CDH18: variants seen among roughly 807,000 people sequenced by gnomAD.
CDH18 encodes the protein cadherin-18.
Under a neutral mutation model 67.9 loss-of-function variants are expected in CDH18, and 31 were observed. The observed-to-expected ratio is 0.46, with a 90% CI of 0.34 to 0.62. CDH18 has a LOEUF of 0.62. Ranked by LOEUF, CDH18 falls within the 20% of genes least tolerant of loss-of-function variation. The probability of loss-of-function intolerance (pLI) is 0.01; values close to 1 mark genes in which losing one functional copy is unlikely to be tolerated. For synonymous variants in CDH18, 362 were observed against 347.2 expected, an observed-to-expected ratio of 1.04 and a Z score of -0.48; for missense variants, 890 against 975.5, an observed-to-expected ratio of 0.91 and a Z score of 1.17.
chr5:20,501,443 CATAT>C (rs1754243704), intron 1 of CDH18, among the ~76,000 whole-genome samples: 1 of 89,694 alleles, frequency 1.1e-5, no homozygotes, highest in African/African-American at 3.9e-5. Context: ...ATTTTATATA[CATAT>C]ATTTTATATA....
At chr5:20,039,319 T>G (rs1372363202) in intron 2 of CDH18, among the ~76,000 whole-genome samples, 2 of 152,172 alleles carry the variant, frequency 1.3e-5, no homozygotes, top group Non-Finnish European at 2.9e-5. Flanking sequence ...ACCATTGACT[T>G]TCTTCACAAA....
intron 2 of CDH18, among the ~76,000 whole-genome samples, chr5:19,974,660 G>A (rs1798338157): frequency 6.6e-6 from 1 of 152,100 alleles, no homozygotes; most frequent in South Asian, 2.1e-4. Context: ...CTGAGAAGGA[G>A]GTGCAGATAT....
chr5:20,337,596 C>G (rs955298147), intron 1 of CDH18, among the ~76,000 whole-genome samples: 4 of 152,218 alleles, frequency 2.6e-5, no homozygotes, highest in African/African-American at 9.6e-5. Context: ...GAGACCACCT[C>G]AGACTGGACC....
intron 1 of CDH18, among the ~76,000 whole-genome samples, chr5:20,364,189 T>C (rs1742324140): frequency 2.0e-5 from 3 of 152,184 alleles, no homozygotes; most frequent in African/African-American, 4.8e-5. Context: ...ATTCTAATCA[T>C]TTAAGTAAAA....
At chr5:20,514,310 G>A (rs1000210306) in intron 1 of CDH18, among the ~76,000 whole-genome samples, 5 of 152,056 alleles carry the variant, frequency 3.3e-5, no homozygotes, top group Non-Finnish European at 7.4e-5. Context: ...TAAGCGGTGT[G>A]TACAGATTAC....
intron 2 of CDH18, among the ~76,000 whole-genome samples, chr5:20,008,791 A>G (rs1737151966): frequency 6.6e-6 from 1 of 152,166 alleles, no homozygotes; most frequent in African/African-American, 2.4e-5. Context: ...TAATTTTATT[A>G]TAAGTAGCCA....
rs185168071 is a variant in CDH18, at chr5:20,417,465, A to G, written c.-580+157997T>C. 7.2e-5 allele frequency among the ~76,000 whole-genome samples: 11 copies of G among 152,306 alleles called. No individual in the cohort carries two copies. In the East Asian group the frequency reaches 2.1e-3, roughly 29 times the overall value. ...ATATTTATGCTTTTAGCACAATTCTATGATTTCCAATGGTCTGTTTCCAGA... is the reference window on the plus strand; with the variant it reads ...ATATTTATGCTTTTAGCACAATTCTGTGATTTCCAATGGTCTGTTTCCAGA... On this transcript the variant is annotated intron_variant, in intron 1 of 14. Transcript: ENST00000507958.
intron 7 of CDH18, among the ~76,000 whole-genome samples, chr5:19,577,749 G>A (rs1469464024): frequency 6.6e-6 from 1 of 152,210 alleles, no homozygotes; most frequent in African/African-American, 2.4e-5. Flanking sequence ...ACATGGGAAG[G>A]ACATGGCTTT....
chr5:20,161,469 C>T (rs1735886809), intron 2 of CDH18, among the ~76,000 whole-genome samples: 3 of 152,086 alleles, frequency 2.0e-5, no homozygotes, highest in African/African-American at 7.2e-5. Flanking sequence ...TTGCCAAGCC[C>T]AAAGTGAATG....
intron 2 of CDH18, among the ~76,000 whole-genome samples, chr5:19,900,704 C>T (rs557225231): frequency 9.2e-5 from 14 of 152,114 alleles, no homozygotes; most frequent in Non-Finnish European, 1.6e-4. Flanking sequence ...GGATATATAC[C>T]AATTTTTAAC....
chr5:20,153,351 G>A (rs1367452239), intron 2 of CDH18, among the ~76,000 whole-genome samples: 1 of 152,036 alleles, frequency 6.6e-6, no homozygotes, highest in Non-Finnish European at 1.5e-5. Context: ...ATATAATCAA[G>A]CCTAGAGTCT....
At chr5:19,880,510 T>C (rs1418920328) in intron 2 of CDH18, among the ~76,000 whole-genome samples, 1 of 152,084 alleles carries the variant, frequency 6.6e-6, no homozygotes, top group African/African-American at 2.4e-5. Context: ...TTTGACAGTC[T>C]GTTGAAGAGC....
chr5:20,471,037 C>T (rs1223252795), intron 1 of CDH18, among the ~76,000 whole-genome samples: 1 of 152,154 alleles, frequency 6.6e-6, no homozygotes, highest in African/African-American at 2.4e-5. Context: ...TGCTTATAAA[C>T]ATTCTTTATT....
At chr5:20,291,456 G>A (rs1747098596) in intron 1 of CDH18, among the ~76,000 whole-genome samples, 1 of 152,090 alleles carries the variant, frequency 6.6e-6, no homozygotes, top group Admixed American at 6.6e-5. Flanking sequence ...GGAAATGTAA[G>A]AACCAAAAAC....
chr5:19,618,868 C>T (rs571857705), intron 5 of CDH18, among the ~76,000 whole-genome samples: 3 of 152,132 alleles, frequency 2.0e-5, no homozygotes, highest in South Asian at 2.1e-4. Context: ...TAAGAGATTT[C>T]GATATATGTA....
chr5:20,159,229 C>T lies in CDH18; in HGVS notation c.-518+96215G>A, dbSNP rs1160617278. ...ACAGATGGAATAAATTGGTAATGCA[C>T]ACTAATGTCTAAAAAGAAATGACTA... On this transcript the variant is annotated intron_variant, in intron 2 of 14. Transcript: ENST00000507958. Among the ~76,000 whole-genome samples, 4 of 152,104 alleles carry T rather than the reference C, an allele frequency of 2.6e-5. No individual in the cohort carries two copies. The East Asian group carries it at 7.7e-4, about 29-fold the overall frequency.
chr5:20,155,315 G>GT (rs1279027134), intron 2 of CDH18, among the ~76,000 whole-genome samples: 2 of 152,032 alleles, frequency 1.3e-5, no homozygotes, highest in African/African-American at 4.8e-5. Context: ...TGAAATACAC[G>GT]TATTTTTTAA....
In CDH18 at chr5:19,929,088, A is replaced by C. The variant is rs1019992662; in HGVS notation, c.-257+51972T>G. 9.2e-5 allele frequency among the ~76,000 whole-genome samples: 14 copies of C among 152,200 alleles called. No individual in the cohort carries two copies. In the South Asian group the frequency reaches 1.2e-3, roughly 14 times the overall value. ...TGTAAACAAAATTTTCTAACTTTTC[A>C]TAATTAATGAAAGTTTCTAGGACTG... On this transcript the variant is annotated intron_variant, in intron 2 of 12. Transcript: ENST00000382275.
chr5:19,837,335 C>T (rs1781775500), intron 3 of CDH18, among the ~76,000 whole-genome samples: 1 of 151,896 alleles, frequency 6.6e-6, no homozygotes, highest in Non-Finnish European at 1.5e-5. Flanking sequence ...TGCAGCAAAC[C>T]ACCATGGCAC....
Sources: gnomAD v4.1 joint callset for allele counts (sites outside exome capture counted in the v4.1 genomes callset) on GRCh38, gnomAD v4.1.1 for gene constraint, MANE v1.5 for transcripts, NCBI Gene and HGNC (gene_info 2026-07-23, HGNC 2026-07-21) for gene names.